SGK1: variants seen among roughly 807,000 people sequenced by gnomAD.
SGK1 encodes the protein serine/threonine-protein kinase Sgk1.
Under a neutral mutation model 64.2 loss-of-function variants are expected in SGK1, and 26 were observed. That is an observed-to-expected ratio of 0.40 (90% CI 0.30 to 0.56). The LOEUF is 0.56. Among genes scored for constraint, SGK1 ranks in the 20% least tolerant of loss-of-function variants. SGK1 has a pLI of 0.38. For synonymous variants in SGK1, 265 were observed against 239.7 expected (o/e 1.11, Z -0.98); for missense variants, 519 against 645.6 (o/e 0.80, Z 2.12).
chr6:134,297,376 T>C, intron 1 of SGK1: 1 of 851,438 alleles, frequency 1.2e-6, no homozygotes. Context: ...AGCTTGGCGT[T>C]GGCATCCTTA....
At chr6:134,224,152 T>A (rs912074997) in intron 2 of SGK1, among the ~76,000 whole-genome samples, 2 of 152,218 alleles carry the variant, frequency 1.3e-5, no homozygotes, top group East Asian at 3.8e-4. Flanking sequence ...AAAAACACCA[T>A]GAATACAGCT....
intron 3 of SGK1, chr6:134,177,810 T>C (rs1252586341): frequency 3.1e-6 from 5 of 1,613,144 alleles, no homozygotes; most frequent in Non-Finnish European, 3.4e-6. Context: ...AAGCTGGAAC[T>C]CTGAGATGAC....
chr6:134,297,110 G>A, intron 1 of SGK1: 1 of 530,278 alleles, frequency 1.9e-6, no homozygotes, highest in Non-Finnish European at 3.6e-6. Context: ...TAGAGTTCAG[G>A]CCGTAGCTGA....
At chr6:134,174,886 C>G (rs1775170984) in intron 3 of SGK1, 18 of 1,593,962 alleles carry the variant, frequency 1.1e-5, no homozygotes, top group Non-Finnish European at 1.4e-5. Flanking sequence ...CGCGCTCGGC[C>G]TTATAAAAAA....
intron 1 of SGK1, among the ~76,000 whole-genome samples, chr6:134,302,897 GGTGT>G (rs554219758): frequency 6.2e-4 from 94 of 151,890 alleles, no homozygotes; most frequent in Non-Finnish European, 1.3e-3. Flanking sequence ...TGAGACTACA[GGTGT>G]GCGCTATCAT....
chr6:134,265,315 C>G (rs1776833040), intron 1 of SGK1, among the ~76,000 whole-genome samples: 1 of 151,654 alleles, frequency 6.6e-6, no homozygotes, highest in South Asian at 2.1e-4. Context: ...CAAAAATTAG[C>G]TGGGTGTAGT....
intron 2 of SGK1, among the ~76,000 whole-genome samples, chr6:134,220,058 C>CAAAAAAAAAAAAAAAAAAAA (rs55870107): frequency 1.3e-4 from 8 of 61,350 alleles, no homozygotes; most frequent in Admixed American, 5.6e-4. Flanking sequence ...GACTCCGTCT[C>CAAAAAAAAAAAAAAAAAAAA]AAAAAAAAAA....
At chr6:134,228,739 G>A (rs1194513897) in intron 2 of SGK1, among the ~76,000 whole-genome samples, 1 of 151,736 alleles carries the variant, frequency 6.6e-6, no homozygotes, top group Non-Finnish European at 1.5e-5. Context: ...AGATACGGGT[G>A]TTTGCTTATG....
chr6:134,287,858 T>C (rs2114777399), intron 1 of SGK1, among the ~76,000 whole-genome samples: 1 of 152,290 alleles, frequency 6.6e-6, no homozygotes, highest in African/African-American at 2.4e-5. Context: ...AAAGTATCTT[T>C]TGGAGAGCTG....
At chr6:134,207,143 G>A (rs1010371564) in intron 3 of SGK1, among the ~76,000 whole-genome samples, 1 of 151,756 alleles carries the variant, frequency 6.6e-6, no homozygotes, top group East Asian at 1.9e-4. Context: ...GGAGAATGGC[G>A]TGAACCTGGG....
In SGK1 at chr6:134,175,441, C is replaced by T. The variant is rs1775201383; in HGVS notation, c.362-855G>A. ...CCGCCAGGTCCTCCCGTTCCCGCCGCCGGGACCCCGGCCCCGAGAACTCCG... is the reference window on the plus strand; with the variant it reads ...CCGCCAGGTCCTCCCGTTCCCGCCGTCGGGACCCCGGCCCCGAGAACTCCG... On this transcript the variant is annotated intron_variant, in intron 3 of 13. Transcript: ENST00000367858. 7 of 1,308,910 alleles carry T rather than the reference C, an allele frequency of 5.3e-6. No homozygotes were observed. In the South Asian group the frequency reaches 8.3e-5, roughly 16 times the overall value. The allele number at this position is 1,308,910 out of a possible 1,614,324, so 81.1% of individuals were successfully genotyped here. A position where few individuals can be genotyped will look rare whatever the true frequency, so the allele number is the denominator to read the frequency against.
chr6:134,174,649 C>A (rs1775155067), intron 3 of SGK1, 63 bp from the exon 4 acceptor site: 2 of 1,605,194 alleles, frequency 1.2e-6, no homozygotes, highest in Non-Finnish European at 8.5e-7. Context: ...CGGCGCCACA[C>A]ACACTAATCT....
chr6:134,261,161 A>G (rs1413329803), intron 2 of SGK1: 2 of 152,188 alleles, frequency 1.3e-5, no homozygotes, highest in African/African-American at 4.8e-5. Flanking sequence ...AGTCTTAGTA[A>G]AAATGTGAGT....
At chr6:134,299,034 C>T (rs1448550953) in intron 1 of SGK1, among the ~76,000 whole-genome samples, 2 of 151,884 alleles carry the variant, frequency 1.3e-5, no homozygotes, top group South Asian at 2.1e-4. Flanking sequence ...CTCCTGACCT[C>T]GTGATCCACC....
intron 1 of SGK1, among the ~76,000 whole-genome samples, chr6:134,303,248 G>A (rs113480179): frequency 2.0e-5 from 3 of 151,650 alleles, no homozygotes; most frequent in Admixed American, 6.6e-5. Flanking sequence ...GAAAATTAGC[G>A]GGGCGTGGTG....
chr6:134,226,357 T>TG (rs1554222325), intron 2 of SGK1, among the ~76,000 whole-genome samples: 2 of 98,788 alleles, frequency 2.0e-5, no homozygotes, highest in South Asian at 2.6e-4. Flanking sequence ...CAAAAAGGTG[T>TG]TTTTTTTTCT....
intron 2 of SGK1, among the ~76,000 whole-genome samples, chr6:134,251,615 G>A (rs995838200): frequency 2.0e-5 from 3 of 152,048 alleles, no homozygotes; most frequent in Admixed American, 6.6e-5. Context: ...CTGGGAACGC[G>A]GCACACTGGT....
At chr6:134,221,865 T>A (rs1235822925) in intron 2 of SGK1, among the ~76,000 whole-genome samples, 1 of 151,892 alleles carries the variant, frequency 6.6e-6, no homozygotes, top group Non-Finnish European at 1.5e-5. Context: ...GTCGGCCAGG[T>A]TGGTCTCAAT....
At chr6:134,242,665 A>C (rs983851145) in intron 2 of SGK1, among the ~76,000 whole-genome samples, 1 of 149,976 alleles carries the variant, frequency 6.7e-6, no homozygotes, top group Non-Finnish European at 1.5e-5. Context: ...GGGTCTTGCT[A>C]TGTTGCCCAG....
Sources: gnomAD v4.1 joint callset for allele counts (sites outside exome capture counted in the v4.1 genomes callset) on GRCh38, gnomAD v4.1.1 for gene constraint, MANE v1.5 for transcripts, NCBI Gene and HGNC (gene_info 2026-07-23, HGNC 2026-07-21) for gene names.